Variants in SNF8 observed in about 807,000 individuals in gnomAD.
SNF8 encodes vacuolar-sorting protein SNF8.
A neutral mutation model predicts 36.8 loss-of-function variants in SNF8; 19 were observed. The observed-to-expected ratio is 0.52, with a 90% CI of 0.36 to 0.76. The LOEUF is 0.76. Ranked by LOEUF, SNF8 falls within the 30% of genes least tolerant of loss-of-function variation. The pLI is 0.00. For missense variants in SNF8, 268 were observed against 322.9 expected (o/e 0.83, Z 1.30); for synonymous variants, 127 against 127.4 (o/e 1.00, Z 0.02).
chr17:48,940,093 ATTT>A (rs1555584139), intron 3 of SNF8, among the ~76,000 whole-genome samples: 2 of 143,420 alleles, frequency 1.4e-5, no homozygotes, highest in Non-Finnish European at 1.5e-5. Flanking sequence ...AAAAAAAAAA[ATTT>A]TTTTTTTAAA....
intron 2 of SNF8, among the ~76,000 whole-genome samples, chr17:48,942,613 G>A (rs2041046341): frequency 6.6e-6 from 1 of 152,118 alleles, no homozygotes; most frequent in South Asian, 2.1e-4. Context: ...CACTGTCCTG[G>A]TATGTGCCTA....
rs55639300 is a variant in SNF8 at position 48,943,608 on chromosome 17, AAAACAAACAAAC to A, written c.105+305_105+316del. 1.5e-4 allele frequency among the ~76,000 whole-genome samples: 22 copies of A among 151,340 alleles called. 2 individuals carry two copies. In the Middle Eastern group the frequency reaches 0.017, roughly 117 times the overall value. ...GGGCAACAGAGCAAGACTCCCTCAAAAAACAAACAAACAAACAAACAAACACCTCAGAATAAT... is the reference window on the plus strand; with the variant it reads ...GGGCAACAGAGCAAGACTCCCTCAAAAAACAAACAAACACCTCAGAATAAT... On this transcript the variant is annotated intron_variant, in intron 2 of 7. Coordinates refer to ENST00000502492, the MANE Select transcript of SNF8 (RefSeq NM_007241.4).
In SNF8 at chr17:48,931,062, A is replaced by C. The variant is rs141601979; in HGVS notation, c.640-450T>G. The stretch of plus-strand genomic sequence containing the variant: ...TAGAGCTGGAAATAATATGCTCAAA[A>C]TGGGTGGTTTCTGTCCAATATCATT... On this transcript the variant is annotated intron_variant, in intron 7 of 7. Transcript: ENST00000502492. Among the ~76,000 whole-genome samples the C allele has an allele frequency of 2.0e-3, 311 of 152,292 alleles. 2 individuals carry two copies. The Middle Eastern group carries it at 0.044, about 22-fold the overall frequency.
intron 5 of SNF8, among the ~76,000 whole-genome samples, chr17:48,935,414 G>A (rs2143801564): frequency 6.6e-6 from 1 of 151,998 alleles, no homozygotes; most frequent in East Asian, 1.9e-4. Flanking sequence ...TCGGGAGGCT[G>A]AGGCAGGAGA....
In SNF8 at chr17:48,929,879, G is replaced by A. The variant is rs1343616328; in HGVS notation, c.*596C>T. On this transcript the variant is annotated 3_prime_UTR_variant, in exon 8 of 8. Coordinates refer to ENST00000502492, the MANE Select transcript of SNF8 (RefSeq NM_007241.4). Reference sequence around the variant, plus strand: ...GCAATCACTACAGGAGGGTGAGAAAGCTAGTAGGGAATTTAAGAAAATAGA... The same window carrying A: ...GCAATCACTACAGGAGGGTGAGAAAACTAGTAGGGAATTTAAGAAAATAGA... 1 of 152,214 alleles carries A rather than the reference G, an allele frequency of 6.6e-6. No homozygotes were observed. The highest frequency in any genetic ancestry group is 1.9e-4 in the East Asian group (1 of 5,204). 9.4% of individuals were successfully genotyped at this position (152,214 alleles called of 1,614,324 possible).
chr17:48,931,138 T>C (rs1385242223), intron 7 of SNF8, among the ~76,000 whole-genome samples: 1 of 152,168 alleles, frequency 6.6e-6, no homozygotes, highest in Non-Finnish European at 1.5e-5. Context: ...TTTAGACAGT[T>C]GAATTGTTTG....
chr17:48,933,171 T>C, intron 6 of SNF8, 34 bp downstream of exon 6: 1 of 1,608,562 alleles, frequency 6.2e-7, no homozygotes, highest in Non-Finnish European at 8.5e-7. Context: ...AGACTGTCCC[T>C]TGCACACACA....
chr17:48,935,310 G>A (rs556444870), intron 5 of SNF8, among the ~76,000 whole-genome samples: 11 of 152,042 alleles, frequency 7.2e-5, no homozygotes, highest in Admixed American at 4.6e-4. Flanking sequence ...TCAGGAGATC[G>A]AGACCATCCT....
At position 48,930,300 on chromosome 17, in the gene SNF8, G is replaced by A. The variant is rs966824537; in HGVS notation, c.*175C>T. Reference sequence around the variant, plus strand: ...ATCAGATTATGCTTACTGAACGAGCGAGGTTTTCCTCCAATAAAAATGCAA... The same window carrying A: ...ATCAGATTATGCTTACTGAACGAGCAAGGTTTTCCTCCAATAAAAATGCAA... On this transcript the variant is annotated 3_prime_UTR_variant, in exon 8 of 8. Coordinates refer to ENST00000502492, the MANE Select transcript of SNF8 (RefSeq NM_007241.4). 4.9e-6 allele frequency: 3 copies of A among 609,550 alleles called. No individual in the cohort carries two copies. The highest frequency in any genetic ancestry group is 8.1e-6 in the Non-Finnish European group (3 of 371,292). 37.8% of individuals were successfully genotyped at this position (609,550 alleles called of 1,614,324 possible).
chr17:48,935,389 T>C (rs992119845), intron 5 of SNF8, among the ~76,000 whole-genome samples: 2 of 151,848 alleles, frequency 1.3e-5, no homozygotes, highest in Non-Finnish European at 2.9e-5. Flanking sequence ...GGCGGGCGCC[T>C]GTAGTCCCAG....
intron 5 of SNF8, 195 bp from the exon 6 acceptor site, chr17:48,933,541 A>G (rs1193482496): frequency 2.5e-5 from 15 of 606,046 alleles, no homozygotes; most frequent in Non-Finnish European, 3.8e-5. Flanking sequence ...CAGGGGTTAG[A>G]GACCAGCCTG....
chr17:48,937,398 T>G, intron 3 of SNF8: 1 of 510,452 alleles, frequency 2.0e-6, no homozygotes, highest in Non-Finnish European at 3.7e-6. Flanking sequence ...GACATCGAGC[T>G]AGGTGGATCG....
At chr17:48,941,212 T>C (rs1598092740) in intron 2 of SNF8, 150 bp from the exon 3 acceptor site, 1 of 826,420 alleles carries the variant, frequency 1.2e-6, no homozygotes. Flanking sequence ...TCTCTTTTTA[T>C]CCCTGCCTCT....
chr17:48,936,270 GAA>G (rs762083772), intron 4 of SNF8, 28 bp from the exon 5 acceptor site: 2 of 1,562,208 alleles, frequency 1.3e-6, no homozygotes, highest in East Asian at 4.5e-5. Context: ...ACAGAAATCA[GAA>G]AAAGAGATTA....
At chr17:48,931,917 A>G (rs980656612) in intron 6 of SNF8, 200 bp from the exon 7 acceptor site, 10 of 473,280 alleles carry the variant, frequency 2.1e-5, no homozygotes, top group East Asian at 3.7e-5. Flanking sequence ...GGTGGGTTCA[A>G]TCCTAAAACT....
chr17:48,944,288 C>G lies in SNF8; in HGVS notation c.55-313G>C, dbSNP rs1283008356. The G allele has an allele frequency of 3.0e-5, 14 of 460,700 alleles. No individual in the cohort carries two copies. In the South Asian group the frequency reaches 3.3e-4, roughly 11 times the overall value. The allele number at this position is 460,700 out of a possible 1,614,324, so 28.5% of individuals were successfully genotyped here. On this transcript the variant is annotated intron_variant, in intron 1 of 7. Coordinates refer to ENST00000502492, the MANE Select transcript of SNF8 (RefSeq NM_007241.4). ...CTGCACTCCAACCTGGGCGACAGAG[C>G]AAGACTCTGTCTCAAAAAACAAAAC...
In SNF8 at chr17:48,944,561, G is replaced by T; in HGVS notation, c.54+120C>A. 4 of 1,126,226 alleles carry T rather than the reference G, an allele frequency of 3.6e-6. No individual in the cohort carries two copies. The South Asian group carries it at 3.8e-5, about 11-fold the overall frequency. 69.8% of individuals were successfully genotyped at this position (1,126,226 alleles called of 1,614,324 possible). ...AAGCTGGAGAAATTCTGTGTCCCGG[G>T]GCCGAGAAGCCAGTCTCAGATTCTG... On this transcript the variant is annotated intron_variant, in intron 1 of 7. Coordinates refer to ENST00000502492, the MANE Select transcript of SNF8 (RefSeq NM_007241.4).
At chr17:48,940,571 A>C (rs2041005837) in intron 3 of SNF8, among the ~76,000 whole-genome samples, 1 of 151,890 alleles carries the variant, frequency 6.6e-6, no homozygotes, top group Non-Finnish European at 1.5e-5. Context: ...CGGGCGGATC[A>C]CGAGGTCAGG....
intron 2 of SNF8, among the ~76,000 whole-genome samples, chr17:48,942,847 C>CTTTTTT (rs71144543): frequency 1.2e-5 from 1 of 86,184 alleles, no homozygotes; most frequent in African/African-American, 6.9e-5. Flanking sequence ...CGCACCCGGC[C>CTTTTTT]TTTTTTTTTT....
Sources: gnomAD v4.1 joint callset for allele counts (sites outside exome capture counted in the v4.1 genomes callset) on GRCh38, gnomAD v4.1.1 for gene constraint, MANE v1.5 for transcripts, NCBI Gene and HGNC (gene_info 2026-07-23, HGNC 2026-07-21) for gene names.